VSIG8: variants seen among roughly 807,000 people sequenced by gnomAD.
VSIG8 encodes the protein V-set and immunoglobulin domain-containing protein 8.
In VSIG8, 32 loss-of-function variants were observed where a neutral mutation model predicts 42.6. The observed-to-expected ratio is 0.75, with a 90% CI of 0.57 to 1.01. The LOEUF (loss-of-function observed/expected upper bound fraction) is 1.01, where lower values mean the gene tolerates loss of function less well. VSIG8 is among the 50% of genes least tolerant of loss of function. The pLI is 0.00. For synonymous variants in VSIG8, 290 were observed against 243.8 expected, an observed-to-expected ratio of 1.19 and a Z score of -1.77; for missense variants, 529 against 558.0, an observed-to-expected ratio of 0.95 and a Z score of 0.52.
At chr1:159,857,020 T>G (rs916899664) in intron 4 of VSIG8, among the ~76,000 whole-genome samples, 3 of 152,240 alleles carry the variant, frequency 2.0e-5, no homozygotes, top group African/African-American at 7.2e-5. Flanking sequence ...CTGAATATTT[T>G]CAGCTTCTCT....
intron 6 of VSIG8, chr1:159,855,271 G>C (rs2501339): frequency 0.5 from 777,256 of 1,550,534 alleles, 202,633 homozygotes; most frequent in African/African-American, 0.9. Flanking sequence ...CGTATCTGGA[G>C]AGCCCTGCAG....
chr1:159,855,404 AC>A (rs1388464049), intron 6 of VSIG8: 1 of 1,408,496 alleles, frequency 7.1e-7, no homozygotes, highest in Non-Finnish European at 9.2e-7. Flanking sequence ...TCTCTTTCTC[AC>A]CTCCTGCCCC....
intron 1 of VSIG8, chr1:159,861,785 A>G (rs1205010022): frequency 6.6e-6 from 1 of 152,246 alleles, no homozygotes; most frequent in Non-Finnish European, 1.5e-5. Flanking sequence ...ACAATGTCCA[A>G]ACTTGAGCCC....
At position 159,854,375 on chromosome 1, in the gene VSIG8, C is replaced by G. The variant is rs533737572; in HGVS notation, c.*378G>C. The stretch of plus-strand genomic sequence containing the variant: ...GCTGCCTCAGAGCTCAGACCTCACA[C>G]ACAGAACAATTCGTCCAGACAGACC... On this transcript the variant is annotated 3_prime_UTR_variant, in exon 7 of 7. Transcript: ENST00000368100. 1.5e-4 allele frequency: 36 copies of G among 233,008 alleles called. 1 individual carries two copies. In the South Asian group the frequency reaches 4.5e-3, roughly 29 times the overall value. The allele number at this position is 233,008 out of a possible 1,614,324, so 14.4% of individuals were successfully genotyped here. A position where few individuals can be genotyped will look rare whatever the true frequency, so the allele number is the denominator to read the frequency against.
In VSIG8 at chr1:159,856,567, G is replaced by C. The variant is rs773471965; in HGVS notation, c.729C>G (p.Asn243Lys). 1 of 1,614,194 alleles carries C rather than the reference G, an allele frequency of 6.2e-7. No individual in the cohort carries two copies. The highest frequency in any genetic ancestry group is 8.5e-7 in the Non-Finnish European group (1 of 1,180,030). ...DDGLYQCTVA[N>K]NVGYSVCVVE... ...CCACACAAACACTGTAGCCCACGTT[G>C]TTGGCCACTGTGCACTGATACAGCC... Residue 243 changes from asparagine to lysine, a missense_variant, in exon 5 of 7, where the codon AAC becomes AAG. Transcript: ENST00000368100.
rs1648897289 is a variant in VSIG8, at chr1:159,857,870, A to G, written c.527T>C (p.Leu176Pro). ...ACTGATCTTGGCCCACTTGTAGGAG[A>G]GGGGCTGGGAGCCCCCACTGGCATA... ...KCYASGGSQP[L>P]SYKWAKISGH... The change falls in exon 4 of 7, where the codon CTC (leucine) becomes CCC (proline). Residue 176 changes from leucine to proline, a missense_variant. Transcript: ENST00000368100. The G allele has an allele frequency of 6.2e-7, 1 of 1,614,154 alleles. No individual in the cohort carries two copies. The highest frequency in any genetic ancestry group is 8.5e-7 in the Non-Finnish European group (1 of 1,180,016).
Position 159,854,764 on chromosome 1 carries a change from G to A in VSIG8, c.1234C>T (p.Leu412Phe). 2.0e-6 allele frequency: 3 copies of A among 1,493,348 alleles called. No individual in the cohort carries two copies. The highest frequency in any genetic ancestry group is 1.5e-5 in the African/African-American group (1 of 68,438). 92.5% of individuals were successfully genotyped at this position (1,493,348 alleles called of 1,614,324 possible). A position where few individuals can be genotyped will look rare whatever the true frequency, so the allele number is the denominator to read the frequency against. The change falls in exon 7 of 7, where the codon CTC (leucine) becomes TTC (phenylalanine). Residue 412 changes from leucine (L) to phenylalanine (F), a missense_variant. By Grantham distance (22) the Leu-to-Phe change is conservative. Coordinates refer to ENST00000368100, the MANE Select transcript of VSIG8 (RefSeq NM_001013661.1). ...CCCGGCGCGCGCGCTCACACCAAGA[G>A]GCCGTTCTTGCACTGCACCGGCCCC... Reference protein sequence around the residue: ...AEGPVQCKNGLLV With the variant: ...AEGPVQCKNGFLV
chr1:159,855,412 C>T, intron 6 of VSIG8: 1 of 1,421,700 alleles, frequency 7.0e-7, no homozygotes, highest in Middle Eastern at 2.2e-4. Context: ...TCACCTCCTG[C>T]CCCTCAGTCT....
chr1:159,856,099 G>A lies in VSIG8; in HGVS notation c.773-18C>T. On this transcript the variant is annotated intron_variant, in intron 5 of 6. Coordinates refer to ENST00000368100, the MANE Select transcript of VSIG8 (RefSeq NM_001013661.1). ...CCGGGAGTCTGTGGAGAGAAGTGGA[G>A]GCAGGTCAGGCTTTCTCACAGCCTG... 6.2e-7 allele frequency: 1 copy of A among 1,603,170 alleles called. No individual in the cohort carries two copies. The highest frequency in any genetic ancestry group is 8.5e-7 in the Non-Finnish European group (1 of 1,175,172).
Position 159,854,713 on chromosome 1 carries a change from C to A in VSIG8, c.*40G>T. On this transcript the variant is annotated 3_prime_UTR_variant, in exon 7 of 7. Coordinates refer to ENST00000368100, the MANE Select transcript of VSIG8 (RefSeq NM_001013661.1). ...AGCTGCAGACAGAGAGCCCCGCGCCCTCCTCCTGGCTGGGGCGCAGCCCGG... is the reference window on the plus strand; with the variant it reads ...AGCTGCAGACAGAGAGCCCCGCGCCATCCTCCTGGCTGGGGCGCAGCCCGG... 9.1e-6 allele frequency: 13 copies of A among 1,425,706 alleles called. No individual in the cohort carries two copies. The highest frequency in any genetic ancestry group is 1.1e-5 in the Non-Finnish European group (12 of 1,098,536). 88.3% of individuals were successfully genotyped at this position (1,425,706 alleles called of 1,614,324 possible).
Position 159,862,453 on chromosome 1 carries a change from C to G in VSIG8, c.49+20G>C. ...ACCTAGCCTCATGCTGGCTACCCTGCCCCCTGCCCAGCCCCGTACCTGGGC... is the reference window on the plus strand; with the variant it reads ...ACCTAGCCTCATGCTGGCTACCCTGGCCCCTGCCCAGCCCCGTACCTGGGC... On this transcript the variant is annotated intron_variant, in intron 1 of 6. Transcript: ENST00000368100. The G allele has an allele frequency of 6.2e-7, 1 of 1,605,386 alleles. No individual in the cohort carries two copies. Among genetic ancestry groups the G allele is most frequent in the Admixed American group, 1.7e-5 (1 of 59,126 alleles).
At chr1:159,856,330 C>A (rs535508391) in intron 5 of VSIG8, among the ~76,000 whole-genome samples, 194 bp downstream of exon 5, 1 of 152,222 alleles carries the variant, frequency 6.6e-6, no homozygotes, top group East Asian at 1.9e-4. Context: ...CTGTGCTGGG[C>A]GAGCTTGACC....
intron 1 of VSIG8, among the ~76,000 whole-genome samples, chr1:159,859,503 T>C (rs1648957683): frequency 6.6e-6 from 1 of 152,236 alleles, no homozygotes; most frequent in African/African-American, 2.4e-5. Context: ...TCTATGTGTG[T>C]CTGTGTATGA....
At position 159,858,904 on chromosome 1, in the gene VSIG8, A is replaced by G. The variant is rs1402154291; in HGVS notation, c.58T>C (p.Ser20Pro). The change falls in exon 2 of 7, where the codon TCT becomes CCT. Residue 20 changes from serine (S) to proline (P), a missense_variant. By Grantham distance (74) the Ser-to-Pro change is moderately conservative. Transcript: ENST00000368100. ...CCATCCCCGTTGATCCGCACAGCAG[A>G]CAGCAGTGCTAGGGGGAGGGCAGAG... ...LLVCLSPALL[S>P]AVRINGDGQE... The G allele has an allele frequency of 4.3e-6, 7 of 1,613,074 alleles. No homozygotes were observed. Among genetic ancestry groups the G allele is most frequent in the African/African-American group, 2.7e-5 (2 of 74,890 alleles).
rs1286489094 is a variant in VSIG8 at position 159,857,826 on chromosome 1, G to A, written c.571C>T (p.Arg191Ter). 19 of 1,614,224 alleles carry A rather than the reference G, an allele frequency of 1.2e-5. No individual in the cohort carries two copies. Among genetic ancestry groups the A allele is most frequent in the Admixed American group, 1.7e-5 (1 of 60,030 alleles). Residue 191 changes from arginine to a stop codon, truncating the protein, a stop_gained, in exon 4 of 7, where the codon CGA (arginine) becomes TGA (stop). Transcript: ENST00000368100. LOFTEE classifies it high-confidence loss of function. Reference sequence around the variant, plus strand: ...TGCTGGGAGGTGTAAGACCCAGCTCGATAGGGGTAATGGTGCCCACTGATC... The same window carrying A: ...TGCTGGGAGGTGTAAGACCCAGCTCAATAGGGGTAATGGTGCCCACTGATC... ...AKISGHHYPYRAGSYTSQHSY... is the reference protein window; with the variant it reads ...AKISGHHYPY
intron 1 of VSIG8, chr1:159,861,282 A>G (rs2101832239): frequency 6.6e-6 from 1 of 152,202 alleles, no homozygotes; most frequent in African/African-American, 2.4e-5. Context: ...TGTCATCTCA[A>G]TAGTGGTGCC....
intron 4 of VSIG8, 74 bp downstream of exon 4, chr1:159,857,671 A>C: frequency 1.5e-6 from 2 of 1,326,564 alleles, no homozygotes; most frequent in East Asian, 2.4e-5. Context: ...TGATAACCCA[A>C]GGAAACCCCA....
Position 159,857,750 on chromosome 1 carries a change from T to C in VSIG8, c.647A>G (p.Asn216Ser). The C allele has an allele frequency of 1.2e-6, 2 of 1,613,676 alleles. No homozygotes were observed. Among genetic ancestry groups the C allele is most frequent in the Non-Finnish European group, 1.7e-6 (2 of 1,179,752 alleles). ...CTCATCCAGGGCCCTCTCACCTTGG[T>C]TTATGGAGCTGTGGAAGGACTCCTG... ...SYQESFHSSI[N>S]QGLNNGDLVL... The change falls in exon 4 of 7, where the codon AAC becomes AGC. Residue 216 changes from asparagine to serine, a missense_variant. By Grantham distance (46) the Asn-to-Ser change is conservative. Transcript: ENST00000368100.
intron 1 of VSIG8, chr1:159,861,941 C>G (rs1649037344): frequency 6.6e-6 from 1 of 152,586 alleles, no homozygotes; most frequent in Admixed American, 6.5e-5. Context: ...TGTCACTGGC[C>G]ATGATGGAAG....
Sources: allele counts gnomAD v4.1 joint callset (sites outside exome capture counted in the v4.1 genomes callset), GRCh38; gene constraint gnomAD v4.1.1; transcripts MANE v1.5; gene names NCBI Gene and HGNC (gene_info 2026-07-23, HGNC 2026-07-21).